Variants in USP9X observed in about 807,000 individuals in gnomAD.
USP9X encodes ubiquitin specific peptidase 9 X-linked, also known as ubiquitin carboxyl-terminal hydrolase 9X.
USP9X carries 7 observed loss-of-function variants against 190.3 expected under a neutral mutation model. The ratio of observed to expected loss-of-function variants is 0.04; its 90% CI spans 0.02 to 0.07. USP9X has a LOEUF of 0.07. Ranked by LOEUF, USP9X falls within the 10% of genes least tolerant of loss-of-function variation. The pLI is 1.00. For missense variants in USP9X, 1,010 were observed against 1,916.9 expected (o/e 0.53, Z 8.83); for synonymous variants, 645 against 659.5 (o/e 0.98, Z 0.34).
chrX:41,187,186 C>T (rs542030564), intron 24 of USP9X, among the ~76,000 whole-genome samples: 3 of 112,197 alleles, frequency 2.7e-5, no homozygotes, highest in African/African-American at 6.5e-5. Context: ...CGGTCGAAAC[C>T]GAATGTTTTC....
chrX:41,165,509 A>C (rs756293175), intron 15 of USP9X, among the ~76,000 whole-genome samples: 1 of 112,266 alleles, frequency 8.9e-6, no homozygotes, highest in South Asian at 3.7e-4. Flanking sequence ...TACAGGCGTG[A>C]GTTACTGTGC....
Position 41,085,806 on chromosome X carries a change from C to G in USP9X, c.-462C>G, listed in dbSNP as rs1393322885. On this transcript the variant is annotated 5_prime_UTR_variant, in exon 1 of 45. Transcript: ENST00000378308. ...CGCAGGAGAAACGCACCGCCCGGAG[C>G]CCGTCTGAGCTCAGCGAGAGCCCCA... The G allele has an allele frequency of 1.3e-5, 4 of 296,850 alleles. No homozygotes were observed. In the East Asian group the frequency reaches 1.9e-4, roughly 14 times the overall value. 24.5% of individuals were successfully genotyped at this position (296,850 alleles called of 1,213,427 possible). A position where few individuals can be genotyped will look rare whatever the true frequency, so the allele number is the denominator to read the frequency against.
chrX:41,130,535 C>A (rs1413297621), intron 3 of USP9X, among the ~76,000 whole-genome samples: 1 of 102,615 alleles, frequency 9.7e-6, no homozygotes, highest in Non-Finnish European at 2.0e-5. Flanking sequence ...TGTCACCAGG[C>A]TGGAGTGCAG....
rs771327325 is a variant in USP9X at position 41,132,519 on chromosome X, G to A, written c.322+983G>A. Among the ~76,000 whole-genome samples the A allele has an allele frequency of 2.7e-5, 3 of 110,642 alleles. No individual in the cohort carries two copies. In the South Asian group the frequency reaches 1.1e-3, roughly 41 times the overall value. On this transcript the variant is annotated intron_variant, in intron 4 of 44. Transcript: ENST00000378308. Reference sequence around the variant, plus strand: ...GGGTTTCACCATGTTGGCCAGGCTAGTCTCGAACTCCTGACCTCAGGTGAT... The same window carrying A: ...GGGTTTCACCATGTTGGCCAGGCTAATCTCGAACTCCTGACCTCAGGTGAT...
chrX:41,131,316 A>G (rs1431146994), intron 3 of USP9X, 141 bp from the exon 4 acceptor site: 11 of 434,563 alleles, frequency 2.5e-5, no homozygotes, highest in Non-Finnish European at 3.1e-5. Flanking sequence ...TAATCTGCCA[A>G]CCTTGTCTTA....
chrX:41,114,607 G>A (rs1440995380), intron 1 of USP9X, among the ~76,000 whole-genome samples: 5 of 106,725 alleles, frequency 4.7e-5, no homozygotes, highest in Non-Finnish European at 9.6e-5. Context: ...AGCCTCCCTA[G>A]TAGCTGGGAT....
chrX:41,147,450 G>GTTTTTTT (rs760854080), intron 11 of USP9X, among the ~76,000 whole-genome samples: 1 of 69,768 alleles, frequency 1.4e-5, no homozygotes, highest in African/African-American at 5.8e-5. Flanking sequence ...CTTAATCGTT[G>GTTTTTTT]TTTTTTTTTT....
chrX:41,092,474 A>AGT (rs1281839140), intron 1 of USP9X, among the ~76,000 whole-genome samples: 1 of 110,995 alleles, frequency 9.0e-6, no homozygotes, highest in Non-Finnish European at 1.9e-5. Context: ...GTCGAGGTGT[A>AGT]GTGTACAAAG....
chrX:41,131,784 A>G (rs953560320), intron 4 of USP9X, among the ~76,000 whole-genome samples: 3 of 111,633 alleles, frequency 2.7e-5, no homozygotes, highest in Non-Finnish European at 3.8e-5. Flanking sequence ...AGAGGTTGTC[A>G]CTCAGAGGTT....
intron 30 of USP9X, among the ~76,000 whole-genome samples, chrX:41,199,905 G>A (rs1367232228): frequency 9.0e-6 from 1 of 111,581 alleles, no homozygotes; most frequent in East Asian, 2.8e-4. Context: ...CGCATGAATA[G>A]GCTGCAGATT....
intron 6 of USP9X, 38 bp downstream of exon 6, chrX:41,137,060 ATTG>A: frequency 8.9e-7 from 1 of 1,123,876 alleles, no homozygotes; most frequent in Non-Finnish European, 1.2e-6. Context: ...AAATAATACA[ATTG>A]TTTTGTTCTG....
chrX:41,159,768 CCCT>C (rs1440749907), intron 14 of USP9X, among the ~76,000 whole-genome samples: 2 of 111,164 alleles, frequency 1.8e-5, no homozygotes, highest in East Asian at 2.8e-4. Flanking sequence ...AGATGATCAG[CCCT>C]CCTCAGCCTC....
At chrX:41,128,735 G>C (rs1395490157) in intron 2 of USP9X, among the ~76,000 whole-genome samples, 1 of 111,431 alleles carries the variant, frequency 9.0e-6, no homozygotes, top group Non-Finnish European at 1.9e-5. Flanking sequence ...ATACAGTGTA[G>C]ATGCTATATA....
intron 39 of USP9X, among the ~76,000 whole-genome samples, chrX:41,224,140 A>G (rs188576129): frequency 9.1e-6 from 1 of 109,614 alleles, no homozygotes; most frequent in Non-Finnish European, 1.9e-5. Context: ...CCAGGAGATC[A>G]AGGCTGCAGT....
At chrX:41,210,927 C>T (rs1196753807) in intron 33 of USP9X, among the ~76,000 whole-genome samples, 1 of 111,183 alleles carries the variant, frequency 9.0e-6, no homozygotes, top group East Asian at 2.8e-4. Context: ...TATACTCTTA[C>T]AGTCTCTTTC....
At position 41,106,257 on chromosome X, in the gene USP9X, G is replaced by GT. The variant is rs755680797; in HGVS notation, c.-158-17207dup. Among the ~76,000 whole-genome samples the GT allele has an allele frequency of 4.1e-3, 460 of 111,144 alleles. 2 individuals are homozygous for GT. The highest frequency in any genetic ancestry group is 0.014 in the African/African-American group (425 of 30,598). ...CATGTTTCATTCTAAGAGTTCTATA[G>GT]TTTTTTTATCTTATATTTAGGTCTT... On this transcript the variant is annotated intron_variant, in intron 1 of 44. Transcript: ENST00000378308.
At chrX:41,158,365 A>G (rs949377597) in intron 14 of USP9X, among the ~76,000 whole-genome samples, 1 of 111,590 alleles carries the variant, frequency 9.0e-6, no homozygotes, top group Non-Finnish European at 1.9e-5. Context: ...AGGAAACCCC[A>G]ATAAAAATTA....
At chrX:41,120,553 A>G (rs2062182338) in intron 1 of USP9X, among the ~76,000 whole-genome samples, 1 of 111,088 alleles carries the variant, frequency 9.0e-6, no homozygotes, top group Non-Finnish European at 1.9e-5. Flanking sequence ...GCTGCAGTAC[A>G]GTGGTGCCAT....
At chrX:41,174,933 G>A (rs1204474807) in intron 21 of USP9X, among the ~76,000 whole-genome samples, 2 of 111,309 alleles carry the variant, frequency 1.8e-5, no homozygotes, top group African/African-American at 3.3e-5. Flanking sequence ...GCGTTGAGCC[G>A]AGATCATGCC....
Sources: gnomAD v4.1 joint callset for allele counts (sites outside exome capture counted in the v4.1 genomes callset) on GRCh38, gnomAD v4.1.1 for gene constraint, MANE v1.5 for transcripts, NCBI Gene and HGNC (gene_info 2026-07-23, HGNC 2026-07-21) for gene names.